Variants in DCHS2 observed in about 807,000 individuals in gnomAD.
The protein encoded by DCHS2 is dachsous cadherin-related 2.
In DCHS2, 142 loss-of-function variants were observed where a neutral mutation model predicts 182.4. The ratio of observed to expected loss-of-function variants is 0.78; its 90% CI spans 0.68 to 0.89. The LOEUF is 0.89. Among genes scored for constraint, DCHS2 ranks in the 40% least tolerant of loss-of-function variants. The probability of loss-of-function intolerance (pLI) is 0.00; values close to 1 mark genes in which losing one functional copy is unlikely to be tolerated. For missense variants in DCHS2, 4,319 were observed against 4,198.6 expected, an observed-to-expected ratio of 1.03 and a Z score of -0.79; for synonymous variants, 1,740 against 1,663.3, an observed-to-expected ratio of 1.05 and a Z score of -1.12.
At chr4:154,447,025 C>T (rs1196963705) in intron 1 of DCHS2, among the ~76,000 whole-genome samples, 1 of 152,086 alleles carries the variant, frequency 6.6e-6, no homozygotes, top group Non-Finnish European at 1.5e-5. Context: ...TGCACAGTGG[C>T]TTATGCCTGT....
chr4:154,419,518 G>T (rs1465205479), intron 1 of DCHS2, among the ~76,000 whole-genome samples: 1 of 151,910 alleles, frequency 6.6e-6, no homozygotes, highest in Non-Finnish European at 1.5e-5. Flanking sequence ...GGGTGTGGTG[G>T]TGGGCACCTG....
intron 13 of DCHS2, among the ~76,000 whole-genome samples, chr4:154,291,773 GA>G (rs1458547454): frequency 5.0e-3 from 2 of 398 alleles, no homozygotes; most frequent in Non-Finnish European, 0.011. Flanking sequence ...GAAATACAGA[GA>G]AGAAGGATGG....
In DCHS2 at chr4:154,236,042, A is replaced by C. The variant is rs191279971; in HGVS notation, c.8610T>G (p.Ile2870Met). 4 of 1,613,860 alleles carry C rather than the reference A, an allele frequency of 2.5e-6. No homozygotes were observed. The African/African-American group carries it at 5.3e-5, about 22-fold the overall frequency. The stretch of plus-strand genomic sequence containing the variant: ...TGGGCTCAAATTCATCTATCCCTTC[A>C]ATATCCACCCAGACCACTAAGGAGG... ...ATASLVVWVD[I>M]EGIDEFEPIF... The change falls in exon 20 of 20, where the codon ATT becomes ATG. Residue 2870 changes from isoleucine to methionine, a missense_variant. Transcript: ENST00000357232.
At chr4:154,269,261 TG>T (rs911862682) in intron 14 of DCHS2, 1 of 152,320 alleles carries the variant, frequency 6.6e-6, no homozygotes, top group African/African-American at 2.4e-5. Context: ...ATAAGGTGGT[TG>T]TATGGCAACA....
chr4:154,315,765 G>A lies in DCHS2; in HGVS notation c.5243C>T (p.Ala1748Val), dbSNP rs745437953. The A allele has an allele frequency of 6.2e-7, 1 of 1,613,946 alleles. No homozygotes were observed. The change falls in exon 10 of 20, where the codon GCT becomes GTT. Residue 1748 changes from alanine to valine, a missense_variant. Physicochemically the swap from Ala to Val is moderately conservative, Grantham distance 64. Coordinates refer to ENST00000357232, the MANE Select transcript of DCHS2 (RefSeq NM_001358235.2). ...NPGEFVTRVE[A>V]LDRDSGVNSK... Reference sequence around the variant, plus strand: ...TAAATTACCTGAATCTCTGTCCAGAGCTTCAACCCTGGTAACAAACTCCCC... The same window carrying A: ...TAAATTACCTGAATCTCTGTCCAGAACTTCAACCCTGGTAACAAACTCCCC...
At chr4:154,415,448 G>A (rs1210114670) in intron 1 of DCHS2, among the ~76,000 whole-genome samples, 1 of 152,132 alleles carries the variant, frequency 6.6e-6, no homozygotes, top group African/African-American at 2.4e-5. Flanking sequence ...CTCTGGGGGT[G>A]CCACCACATT....
At position 154,269,925 on chromosome 4, in the gene DCHS2, T is replaced by C. The variant is rs766921524; in HGVS notation, c.6552A>G (p.Gly2184=). Residue 2184 remains glycine, a synonymous_variant, in exon 14 of 20, where the codon GGA becomes GGG. Transcript: ENST00000357232. ...CTGACTTAGAGCACAGGGAAAGAACTCCATCTTCATTTCCACTAAAAATTG... is the reference window on the plus strand; with the variant it reads ...CTGACTTAGAGCACAGGGAAAGAACCCCATCTTCATTTCCACTAAAAATTG... The part of the protein sequence containing the change: ...KYSIFSGNED[G]VLSLCSKSGQ... 3 of 1,612,318 alleles carry C rather than the reference T, an allele frequency of 1.9e-6. No individual in the cohort carries two copies. In the African/African-American group the frequency reaches 4.0e-5, roughly 22 times the overall value.
chr4:154,362,545 T>C (rs900386261), intron 3 of DCHS2, among the ~76,000 whole-genome samples: 2 of 152,230 alleles, frequency 1.3e-5, no homozygotes, highest in African/African-American at 4.8e-5. Flanking sequence ...TCCAGCTTTA[T>C]GTAGATTCCT....
chr4:154,292,152 TAATG>T (rs1734698226), intron 13 of DCHS2, among the ~76,000 whole-genome samples: 2 of 152,270 alleles, frequency 1.3e-5, no homozygotes, highest in South Asian at 4.1e-4. Flanking sequence ...TAATAAAAAA[TAATG>T]AAAGTTTCTT....
intron 13 of DCHS2, among the ~76,000 whole-genome samples, chr4:154,273,805 C>A (rs1733705398): frequency 6.6e-6 from 1 of 151,880 alleles, no homozygotes; most frequent in Non-Finnish European, 1.5e-5. Flanking sequence ...TCTTACTTAA[C>A]TGTCATCCTG....
At chr4:154,247,480 A>G (rs1056097336) in intron 16 of DCHS2, among the ~76,000 whole-genome samples, 2 of 151,802 alleles carry the variant, frequency 1.3e-5, no homozygotes, top group Non-Finnish European at 2.9e-5. Context: ...CATCTCTACT[A>G]AAAATATAAA....
chr4:154,301,215 C>G (rs976341267), intron 12 of DCHS2, among the ~76,000 whole-genome samples: 4 of 152,140 alleles, frequency 2.6e-5, no homozygotes, highest in Admixed American at 2.6e-4. Flanking sequence ...GATTTTAATG[C>G]CTGGGAAGAT....
At chr4:154,311,610 A>C (rs1735676281) in intron 10 of DCHS2, among the ~76,000 whole-genome samples, 2 of 152,216 alleles carry the variant, frequency 1.3e-5, no homozygotes, top group Non-Finnish European at 2.9e-5. Flanking sequence ...AAATAGAATT[A>C]TGCCTGGTTG....
chr4:154,411,063 C>T (rs1732610564), intron 1 of DCHS2, among the ~76,000 whole-genome samples: 1 of 152,166 alleles, frequency 6.6e-6, no homozygotes, highest in Admixed American at 6.5e-5. Context: ...GGAGGAGATC[C>T]TGCCATTTGC....
In DCHS2 at chr4:154,265,391, C is replaced by T. The variant is rs28555357; in HGVS notation, c.6577+4509G>A. 4.7e-3 allele frequency among the ~76,000 whole-genome samples: 720 copies of T among 152,190 alleles called. 5 individuals are homozygous for T. The highest frequency in any genetic ancestry group is 0.017 in the African/African-American group (689 of 41,512). On this transcript the variant is annotated intron_variant, in intron 14 of 19. Coordinates refer to ENST00000357232, the MANE Select transcript of DCHS2 (RefSeq NM_001358235.2). ...AAAGGAATAAAGTCATAGAAGAGTACGTAGCATGATTCTATTATCATACTT... is the reference window on the plus strand; with the variant it reads ...AAAGGAATAAAGTCATAGAAGAGTATGTAGCATGATTCTATTATCATACTT...
intron 1 of DCHS2, among the ~76,000 whole-genome samples, chr4:154,416,221 C>T (rs1192007665): frequency 6.6e-6 from 1 of 152,082 alleles, no homozygotes; most frequent in African/African-American, 2.4e-5. Flanking sequence ...AGCCCAGAGA[C>T]GGGGGACAGG....
At position 154,320,828 on chromosome 4, in the gene DCHS2, G is replaced by A; in HGVS notation, c.4571C>T (p.Pro1524Leu). The change falls in exon 9 of 20, where the codon CCC becomes CTC. Residue 1524 changes from proline (P) to leucine (L), a missense_variant. Coordinates refer to ENST00000357232, the MANE Select transcript of DCHS2 (RefSeq NM_001358235.2). The stretch of plus-strand genomic sequence containing the variant: ...GAAGACATACACCAGGGTTCCTATG[G>A]GAACATTCTCCTCTACACTGATCAC... ...LIVISVEENV[P>L]IGTLVYVFNA... is the part of the protein sequence containing the mutation. 1 of 1,613,986 alleles carries A rather than the reference G, an allele frequency of 6.2e-7. No homozygotes were observed. The highest frequency in any genetic ancestry group is 1.3e-5 in the African/African-American group (1 of 75,004).
intron 1 of DCHS2, among the ~76,000 whole-genome samples, chr4:154,411,521 T>C (rs542195165): frequency 7.9e-5 from 12 of 151,996 alleles, no homozygotes; most frequent in Non-Finnish European, 1.5e-4. Context: ...CGCTTGAACC[T>C]GGGAGGCAGA....
intron 8 of DCHS2, 63 bp from the exon 9 acceptor site, chr4:154,321,285 GTAA>G: frequency 7.3e-7 from 1 of 1,378,948 alleles, no homozygotes; most frequent in Admixed American, 2.7e-5. Flanking sequence ...ATGAATAAAT[GTAA>G]TAATATTATT....
Sources: allele counts gnomAD v4.1 joint callset (sites outside exome capture counted in the v4.1 genomes callset), GRCh38; gene constraint gnomAD v4.1.1; transcripts MANE v1.5; gene names NCBI Gene and HGNC (gene_info 2026-07-23, HGNC 2026-07-21).